The following STON2 variants were observed in gnomAD, a reference collection of about 807,000 sequenced individuals.
STON2 encodes stonin-2.
In STON2, 29 loss-of-function variants were observed where a neutral mutation model predicts 65.7. The observed-to-expected ratio is 0.44, with a 90% confidence interval of 0.33 to 0.60. STON2 has a LOEUF of 0.60. STON2 is among the 20% of genes least tolerant of loss of function. STON2 has a pLI of 0.03. For synonymous variants in STON2, 404 were observed against 414.2 expected (o/e 0.98, Z 0.30); for missense variants, 1,054 against 1,118.1 (o/e 0.94, Z 0.82).
intron 5 of STON2, among the ~76,000 whole-genome samples, chr14:81,299,076 A>C (rs923630685): frequency 6.6e-6 from 1 of 152,212 alleles, no homozygotes; most frequent in African/African-American, 2.4e-5. Flanking sequence ...CAAAACACTC[A>C]TAAGTTCTAG....
At chr14:81,343,596 T>C (rs955110401) in intron 4 of STON2, among the ~76,000 whole-genome samples, 8 of 152,202 alleles carry the variant, frequency 5.3e-5, no homozygotes, top group Admixed American at 3.9e-4. Flanking sequence ...TTATGAAAAC[T>C]AGCCAAGGAT....
In STON2 at chr14:81,265,220, C is replaced by A. The variant is rs748110461; in HGVS notation, c.*3194G>T. The A allele has an allele frequency of 5.7e-4, 560 of 983,960 alleles. No homozygotes were observed. The highest frequency in any genetic ancestry group is 6.4e-4 in the Non-Finnish European group (528 of 828,818). The allele number at this position is 983,960 out of a possible 1,614,324, so 61.0% of individuals were successfully genotyped here. ...TATTTTCTTTAGAAGTTATTTAAAC[C>A]TAGTAAAACACTCATTACGTCTAAA... On this transcript the variant is annotated 3_prime_UTR_variant, in exon 8 of 8. Coordinates refer to ENST00000614646, the MANE Select transcript of STON2 (RefSeq NM_001394390.1).
At chr14:81,270,532 T>G in intron 7 of STON2, 138 bp downstream of exon 7, 4 of 1,572,782 alleles carry the variant, frequency 2.5e-6, no homozygotes, top group Non-Finnish European at 3.5e-6. Context: ...CCCACAGCTA[T>G]GTATGGTGAA....
At position 81,261,933 on chromosome 14, in the gene STON2, T is replaced by TG. The variant is rs746491855; in HGVS notation, c.*6480dup. On this transcript the variant is annotated 3_prime_UTR_variant, in exon 8 of 8. Coordinates refer to ENST00000614646, the MANE Select transcript of STON2 (RefSeq NM_001394390.1). ...TGGAAGGTTGTCTGTTTCTGTTGTC[T>TG]GGGGAAATGATAAAAAAAAAAAAAA... 3 of 1,398,110 alleles carry TG rather than the reference T, an allele frequency of 2.1e-6. No homozygotes were observed. Among genetic ancestry groups the TG allele is most frequent in the Non-Finnish European group, 2.8e-6 (3 of 1,084,320 alleles). 86.6% of individuals were successfully genotyped at this position (1,398,110 alleles called of 1,614,324 possible).
chr14:81,394,270 ATGTT>A (rs1900214105), intron 3 of STON2, among the ~76,000 whole-genome samples: 1 of 152,182 alleles, frequency 6.6e-6, no homozygotes, highest in Non-Finnish European at 1.5e-5. Context: ...AAAAATATAA[ATGTT>A]TGTTACAGAA....
At chr14:81,292,736 G>A (rs1449920940) in intron 5 of STON2, among the ~76,000 whole-genome samples, 2 of 152,116 alleles carry the variant, frequency 1.3e-5, no homozygotes, top group African/African-American at 2.4e-5. Context: ...TGTGACAGTG[G>A]ACTAATAGCA....
In STON2 at chr14:81,355,746, G is replaced by C. The variant is rs2371595; in HGVS notation, c.571+15242C>G. ...ACGTCCCTTGTAAGGTGGATTCCTA[G>C]GTATTTTATTGTCTTTGAAGCAATT... On this transcript the variant is annotated intron_variant, in intron 4 of 7. Transcript: ENST00000614646. Among the ~76,000 whole-genome samples the C allele has an allele frequency of 2.6e-4, 40 of 152,206 alleles. No homozygotes were observed. In the East Asian group the frequency reaches 6.7e-3, roughly 26 times the overall value.
At chr14:81,316,773 C>A (rs1896636961) in intron 5 of STON2, among the ~76,000 whole-genome samples, 2 of 152,184 alleles carry the variant, frequency 1.3e-5, no homozygotes, top group African/African-American at 4.8e-5. Flanking sequence ...GTAATACCAG[C>A]ACTTTGGGAG....
chr14:81,276,476 T>C (rs1408820063), intron 6 of STON2, among the ~76,000 whole-genome samples: 1 of 152,178 alleles, frequency 6.6e-6, no homozygotes, highest in African/African-American at 2.4e-5. Flanking sequence ...TCTCAGTGTA[T>C]TGTCCATGAT....
chr14:81,277,137 C>T lies in STON2; in HGVS notation c.2345G>A (p.Cys782Tyr). Reference sequence around the variant, plus strand: ...AGGGTAACGGATCATCACATTCTCACAGGGAACCTGAGTGAGGGGGTCACG... The same window carrying T: ...AGGGTAACGGATCATCACATTCTCATAGGGAACCTGAGTGAGGGGGTCACG... ...ANRDPLTQVPCENVMIRYPVP... is the reference protein window; with the variant it reads ...ANRDPLTQVPYENVMIRYPVP... Residue 782 changes from cysteine (C) to tyrosine (Y), a missense_variant, in exon 6 of 8, where the codon TGT becomes TAT. Cys to Tyr is a radical substitution (Grantham distance 194, BLOSUM62 -2). Coordinates refer to ENST00000614646, the MANE Select transcript of STON2 (RefSeq NM_001394390.1). 1.2e-6 allele frequency: 2 copies of T among 1,614,204 alleles called. No homozygotes were observed. The highest frequency in any genetic ancestry group is 1.7e-6 in the Non-Finnish European group (2 of 1,180,032).
At chr14:81,356,406 T>G (rs1898234059) in intron 4 of STON2, among the ~76,000 whole-genome samples, 3 of 152,214 alleles carry the variant, frequency 2.0e-5, no homozygotes, top group Admixed American at 2.0e-4. Flanking sequence ...TGGATTCGGT[T>G]TGCCAGTATT....
chr14:81,285,226 G>A (rs951331363), intron 5 of STON2, among the ~76,000 whole-genome samples: 11 of 152,148 alleles, frequency 7.2e-5, no homozygotes, highest in African/African-American at 2.4e-4. Context: ...CTGATGGATT[G>A]GGGCAAAGTA....
At chr14:81,337,783 T>TG (rs1180527229) in intron 4 of STON2, among the ~76,000 whole-genome samples, 1 of 152,028 alleles carries the variant, frequency 6.6e-6, no homozygotes, top group Non-Finnish European at 1.5e-5. Flanking sequence ...ACTGTATGTA[T>TG]GGGGGTGTCA....
chr14:81,332,027 G>C (rs758330961), intron 4 of STON2, among the ~76,000 whole-genome samples: 3 of 152,176 alleles, frequency 2.0e-5, no homozygotes, highest in African/African-American at 4.8e-5. Flanking sequence ...ACATATTTAT[G>C]GGGTTACAAC....
chr14:81,364,837 T>A (rs1234275268), intron 4 of STON2, among the ~76,000 whole-genome samples: 2 of 152,102 alleles, frequency 1.3e-5, no homozygotes, highest in Non-Finnish European at 2.9e-5. Context: ...GATACAAACA[T>A]CAGGGATGCA....
chr14:81,276,294 A>G (rs896180742), intron 6 of STON2, among the ~76,000 whole-genome samples: 1 of 152,158 alleles, frequency 6.6e-6, no homozygotes, highest in Non-Finnish European at 1.5e-5. Flanking sequence ...TTTTCTTTAT[A>G]TTTTGTCTGC....
intron 4 of STON2, among the ~76,000 whole-genome samples, chr14:81,339,642 G>C (rs1294259195): frequency 2.6e-5 from 4 of 152,222 alleles, no homozygotes; most frequent in Non-Finnish European, 5.9e-5. Flanking sequence ...GGGATGTCAT[G>C]TATGAGCCAA....
intron 5 of STON2, among the ~76,000 whole-genome samples, chr14:81,294,966 T>C (rs1206469339): frequency 6.6e-6 from 1 of 152,188 alleles, no homozygotes; most frequent in Non-Finnish European, 1.5e-5. Flanking sequence ...AGGTTCCAAA[T>C]CAATCCTGCA....
intron 6 of STON2, among the ~76,000 whole-genome samples, chr14:81,271,604 C>A (rs1284553043): frequency 1.3e-5 from 2 of 152,162 alleles, no homozygotes; most frequent in Admixed American, 1.3e-4. Flanking sequence ...CTGGGCAATG[C>A]CAGGCACAGT....
Sources: allele counts gnomAD v4.1 joint callset (sites outside exome capture counted in the v4.1 genomes callset), GRCh38; gene constraint gnomAD v4.1.1; transcripts MANE v1.5; gene names NCBI Gene and HGNC (gene_info 2026-07-23, HGNC 2026-07-21).